EPHA10: variants seen among roughly 807,000 people sequenced by gnomAD.
The protein encoded by EPHA10 is ephrin type-A receptor 10.
Under a neutral mutation model 109.7 loss-of-function variants are expected in EPHA10, and 120 were observed. The ratio of observed to expected loss-of-function variants is 1.09; its 90% CI spans 0.94 to 1.27. The LOEUF (loss-of-function observed/expected upper bound fraction) is 1.27, where lower values mean the gene tolerates loss of function less well. EPHA10 is among the 50% of genes most tolerant of loss of function. The probability of loss-of-function intolerance (pLI) is 0.00; values close to 1 mark genes in which losing one functional copy is unlikely to be tolerated. For synonymous variants in EPHA10, 640 were observed against 618.9 expected, an observed-to-expected ratio of 1.03 and a Z score of -0.51; for missense variants, 1,396 against 1,411.1, an observed-to-expected ratio of 0.99 and a Z score of 0.17.
intron 3 of EPHA10, among the ~76,000 whole-genome samples, chr1:37,759,396 T>C (rs989321576): frequency 2.6e-5 from 4 of 152,130 alleles, no homozygotes; most frequent in African/African-American, 9.7e-5. Flanking sequence ...TTCCTAAGCT[T>C]AGAATGCTCT....
At chr1:37,741,220 G>A (rs1264033886) in intron 5 of EPHA10, among the ~76,000 whole-genome samples, 1 of 152,246 alleles carries the variant, frequency 6.6e-6, no homozygotes, top group Non-Finnish European at 1.5e-5. Context: ...CTGAGCGAGT[G>A]CTCAGCACCA....
chr1:37,737,902 A>G (rs1260717578), intron 5 of EPHA10: 2 of 150,060 alleles, frequency 1.3e-5, no homozygotes, highest in Non-Finnish European at 3.0e-5. Flanking sequence ...AATGTCTAGA[A>G]CTCAACAACA....
At chr1:37,742,887 T>C (rs1247830738) in intron 5 of EPHA10, among the ~76,000 whole-genome samples, 1 of 152,096 alleles carries the variant, frequency 6.6e-6, no homozygotes, top group Non-Finnish European at 1.5e-5. Context: ...CCTAGCCACT[T>C]GGGAGGCTCA....
intron 8 of EPHA10, among the ~76,000 whole-genome samples, chr1:37,725,214 T>C (rs946736207): frequency 9.9e-5 from 15 of 151,866 alleles, no homozygotes; most frequent in Admixed American, 2.0e-4. Flanking sequence ...GGATTAAGTA[T>C]TGGGGTGAGG....
At chr1:37,747,187 T>C (rs761947894) in intron 5 of EPHA10, among the ~76,000 whole-genome samples, 2 of 152,196 alleles carry the variant, frequency 1.3e-5, no homozygotes, top group Non-Finnish European at 2.9e-5. Context: ...GACAAAGCTA[T>C]ATTCAGAGGA....
intron 8 of EPHA10, among the ~76,000 whole-genome samples, chr1:37,725,563 G>C (rs965008750): frequency 3.3e-5 from 5 of 151,312 alleles, no homozygotes; most frequent in African/African-American, 1.2e-4. Flanking sequence ...TAGGAGGATG[G>C]CCAGGAGGAA....
intron 5 of EPHA10, among the ~76,000 whole-genome samples, chr1:37,742,256 T>G (rs1320027548): frequency 6.6e-6 from 1 of 152,184 alleles, no homozygotes; most frequent in Non-Finnish European, 1.5e-5. Flanking sequence ...TTGTCCCCCT[T>G]TCCTGCTAGC....
rs778055284 is a variant in EPHA10 at position 37,754,940 on chromosome 1, A to G, written c.851-570T>C. On this transcript the variant is annotated intron_variant, in intron 3 of 16. Transcript: ENST00000373048. The surrounding 1 kb of genome is among the most constrained non-coding windows in gnomAD (Gnocchi z 4.5). ...AGCCTCCTGAGTAGCTGGGATTACA[A>G]GTGTGCACCACCATGCCCAGTTACT... 7.2e-5 allele frequency among the ~76,000 whole-genome samples: 11 copies of G among 151,964 alleles called. No individual in the cohort carries two copies. Among genetic ancestry groups the G allele is most frequent in the Non-Finnish European group, 1.2e-4 (8 of 67,972 alleles).
At chr1:37,748,829 T>G (rs974867479) in intron 5 of EPHA10, among the ~76,000 whole-genome samples, 1 of 151,970 alleles carries the variant, frequency 6.6e-6, no homozygotes, top group African/African-American at 2.4e-5. Context: ...TGAAGCATTA[T>G]ATGGCCTAGG....
intron 3 of EPHA10, among the ~76,000 whole-genome samples, chr1:37,756,051 G>A (rs1185322577): frequency 6.6e-6 from 1 of 152,084 alleles, no homozygotes; most frequent in Non-Finnish European, 1.5e-5. Flanking sequence ...CAGAGTTCTG[G>A]GCAGCACAAC....
chr1:37,721,294 G>A (rs570795744), intron 11 of EPHA10, among the ~76,000 whole-genome samples: 1 of 151,404 alleles, frequency 6.6e-6, no homozygotes, highest in African/African-American at 2.4e-5. Flanking sequence ...CGGGCCTGGT[G>A]GCAGGCACCT....
intron 5 of EPHA10, among the ~76,000 whole-genome samples, chr1:37,742,747 A>G (rs907973813): frequency 1.3e-5 from 2 of 152,078 alleles, no homozygotes; most frequent in African/African-American, 2.4e-5. Flanking sequence ...GAGCTTTGAG[A>G]GGCATAGATG....
chr1:37,718,267 G>C lies in EPHA10; in HGVS notation c.*105C>G, dbSNP rs562360079. On this transcript the variant is annotated 3_prime_UTR_variant, in exon 17 of 17. Coordinates refer to ENST00000373048, the MANE Select transcript of EPHA10 (RefSeq NM_001099439.2). ...AGATCTGGGCCCAAGCAGAGGAAGA[G>C]AGCGCTCCCTCCCACACTGCTGGAG... 98 of 966,634 alleles carry C rather than the reference G, an allele frequency of 1.0e-4. No homozygotes were observed. The African/African-American group carries it at 1.1e-3, about 11-fold the overall frequency. 59.9% of individuals were successfully genotyped at this position (966,634 alleles called of 1,614,324 possible). A position where few individuals can be genotyped will look rare whatever the true frequency, so the allele number is the denominator to read the frequency against.
intron 3 of EPHA10, chr1:37,760,306 A>G: frequency 9.6e-7 from 1 of 1,039,812 alleles, no homozygotes; most frequent in Non-Finnish European, 1.2e-6. Context: ...TTCTATATTA[A>G]GTACACACAT....
In EPHA10 at chr1:37,721,997, G is replaced by A. The variant is rs573414979; in HGVS notation, c.1961-152C>T. The A allele has an allele frequency of 8.7e-6, 6 of 687,260 alleles. No individual in the cohort carries two copies. In the South Asian group the frequency reaches 1.4e-4, roughly 16 times the overall value. The allele number at this position is 687,260 out of a possible 1,614,324, so 42.6% of individuals were successfully genotyped here. A position where few individuals can be genotyped will look rare whatever the true frequency, so the allele number is the denominator to read the frequency against. ...AATACAAAAATTAACCAGACAAGGT[G>A]GCACATGCCTGTAATCCCAGCTACT... On this transcript the variant is annotated intron_variant, in intron 10 of 16. Coordinates refer to ENST00000373048, the MANE Select transcript of EPHA10 (RefSeq NM_001099439.2).
intron 8 of EPHA10, among the ~76,000 whole-genome samples, chr1:37,726,024 G>A (rs1246689371): frequency 1.3e-5 from 2 of 152,188 alleles, no homozygotes; most frequent in Non-Finnish European, 2.9e-5. Flanking sequence ...GGAATCCCGC[G>A]CTGGCTTGCT....
chr1:37,762,094 G>C lies in EPHA10; in HGVS notation c.172-11C>G, dbSNP rs1029568630. On this transcript the variant is annotated splice_polypyrimidine_tract_variant and intron_variant, in intron 2 of 16. Transcript: ENST00000373048. ...GCTGATCTCCTCCCACTGGGGACAA[G>C]AGTAAAGGGGTGGGCAGCCCAGAGC... 6.4e-7 allele frequency: 1 copy of C among 1,562,972 alleles called. No individual in the cohort carries two copies. The highest frequency in any genetic ancestry group is 1.8e-5 in the Admixed American group (1 of 54,374).
intron 3 of EPHA10, among the ~76,000 whole-genome samples, chr1:37,757,926 A>G (rs1408969329): frequency 1.3e-5 from 2 of 151,796 alleles, no homozygotes; most frequent in Non-Finnish European, 2.9e-5. Flanking sequence ...ATCCACAACC[A>G]TCTCCCCTCT....
intron 5 of EPHA10, among the ~76,000 whole-genome samples, chr1:37,752,609 CG>C (rs546522909): frequency 7.9e-4 from 121 of 152,278 alleles, no homozygotes; most frequent in African/African-American, 2.8e-3. Context: ...TTCCCGCAGA[CG>C]CAACAGAACC....
Sources: allele counts gnomAD v4.1 joint callset (sites outside exome capture counted in the v4.1 genomes callset), GRCh38; gene constraint gnomAD v4.1.1; non-coding constraint Gnocchi (gnomAD v3.1); transcripts MANE v1.5; gene names NCBI Gene and HGNC (gene_info 2026-07-23, HGNC 2026-07-21).